The following C4orf51 variants were observed in gnomAD, a reference collection of about 807,000 sequenced individuals.
C4orf51 encodes chromosome 4 open reading frame 51, also known as uncharacterized protein C4orf51.
Under a neutral mutation model 25.2 loss-of-function variants are expected in C4orf51, and 25 were observed. The observed-to-expected ratio is 0.99, with a 90% CI of 0.72 to 1.39. The LOEUF (loss-of-function observed/expected upper bound fraction) is 1.39. Ranked by LOEUF, C4orf51 falls within the 40% of genes most tolerant of loss-of-function variation. The pLI is 0.00. For missense variants in C4orf51, 252 were observed against 239.6 expected, an observed-to-expected ratio of 1.05 and a Z score of -0.34; for synonymous variants, 100 against 84.5, an observed-to-expected ratio of 1.18 and a Z score of -1.01.
At chr4:145,750,839 TTTTTA>T (rs1733635439) in intron 1 of C4orf51, among the ~76,000 whole-genome samples, 3 of 152,292 alleles carry the variant, frequency 2.0e-5, no homozygotes, top group East Asian at 1.9e-4. Flanking sequence ...TTTTAATTCT[TTTTTA>T]TTTTATCTCC....
At chr4:145,771,854 A>AT (rs1025612826), downstream of C4orf51, among the ~76,000 whole-genome samples, 26 of 152,236 alleles carry the variant, frequency 1.7e-4, no homozygotes, top group African/African-American at 6.0e-4. Context: ...CTGAAATAAT[A>AT]GGGGCCTTTT....
intron 2 of C4orf51, among the ~76,000 whole-genome samples, chr4:145,721,839 T>C (rs1731756887): frequency 6.6e-6 from 1 of 152,232 alleles, no homozygotes; most frequent in Non-Finnish European, 1.5e-5. Context: ...TAGACTTATA[T>C]GAACAAACCA....
intron 1 of C4orf51, among the ~76,000 whole-genome samples, chr4:145,685,271 G>A (rs966837743): frequency 1.3e-5 from 2 of 152,162 alleles, no homozygotes; most frequent in African/African-American, 4.8e-5. Flanking sequence ...TCACACTGCT[G>A]TAAAGACCAT....
intron 1 of C4orf51, among the ~76,000 whole-genome samples, chr4:145,688,891 C>G (rs1463240110): frequency 6.6e-6 from 1 of 150,440 alleles, no homozygotes; most frequent in African/African-American, 2.5e-5. Flanking sequence ...AATAAATAAA[C>G]AAACAAACAA....
At chr4:145,783,065 C>T in the C4orf51 span, among the ~76,000 whole-genome samples, 32 of 142,734 alleles carry the variant, frequency 2.2e-4, no homozygotes, top group Non-Finnish European at 4.3e-4. Flanking sequence ...TACATATCTT[C>T]TATAAGCCAT....
intron 2 of C4orf51, among the ~76,000 whole-genome samples, chr4:145,711,431 G>T (rs1731121727): frequency 6.6e-6 from 1 of 152,054 alleles, no homozygotes; most frequent in African/African-American, 2.4e-5. Context: ...TCATGTACCT[G>T]GCTGTCCGTA....
At chr4:145,734,152 C>T (rs955492785), downstream of C4orf51, among the ~76,000 whole-genome samples, 1 of 152,214 alleles carries the variant, frequency 6.6e-6, no homozygotes, top group African/African-American at 2.4e-5. Flanking sequence ...CACCTTCTCG[C>T]CTGTCTGTCC....
At chr4:145,732,410 T>C in intron 5 of C4orf51, 43 bp from the exon 6 acceptor site, 1 of 1,279,786 alleles carries the variant, frequency 7.8e-7, no homozygotes, top group Non-Finnish European at 1.1e-6. Flanking sequence ...AAAGTGACCT[T>C]TGCGGATGAG....
Position 145,709,509 on chromosome 4 carries a change from C to T in C4orf51, c.307+12877C>T, listed in dbSNP as rs148760244. ...GAAGCCCATGTCTTTGTTGCCATGC[C>T]AATGCAGCAAGAGCTGCAGGAACAT... On this transcript the variant is annotated intron_variant, in intron 2 of 5. Transcript: ENST00000438731. Among the ~76,000 whole-genome samples the T allele has an allele frequency of 8.5e-5, 13 of 152,284 alleles. No homozygotes were observed. The East Asian group carries it at 2.5e-3, about 29-fold the overall frequency.
intron 2 of C4orf51, among the ~76,000 whole-genome samples, chr4:145,712,185 G>A (rs1264229056): frequency 6.6e-6 from 1 of 152,004 alleles, no homozygotes; most frequent in Admixed American, 6.6e-5. Context: ...ATTGAAATTA[G>A]GCCAATTAAT....
chr4:145,790,232 A>G, the C4orf51 span, among the ~76,000 whole-genome samples: 6 of 152,284 alleles, frequency 3.9e-5, no homozygotes, highest in East Asian at 1.2e-3. Flanking sequence ...GAGGAAAAAC[A>G]TTATCATTGT....
chr4:145,734,709 A>G (rs1732708502), downstream of C4orf51, among the ~76,000 whole-genome samples: 1 of 152,228 alleles, frequency 6.6e-6, no homozygotes, highest in African/African-American at 2.4e-5. Context: ...CCAACGCCTG[A>G]GGAATGTGCT....
intron 2 of C4orf51, among the ~76,000 whole-genome samples, chr4:145,699,344 T>C (rs1289954942): frequency 7.2e-6 from 1 of 138,958 alleles, no homozygotes; most frequent in African/African-American, 2.8e-5. Context: ...CTCTTTGCTC[T>C]GTGAGAAAGA....
chr4:145,704,913 T>C (rs1228355082), intron 2 of C4orf51, among the ~76,000 whole-genome samples: 2 of 152,150 alleles, frequency 1.3e-5, no homozygotes, highest in East Asian at 1.9e-4. Flanking sequence ...CTTGAGAGAT[T>C]ACCTTGGAAG....
intron 1 of C4orf51, among the ~76,000 whole-genome samples, chr4:145,751,117 T>C (rs1016347920): frequency 1.3e-5 from 2 of 152,228 alleles, no homozygotes; most frequent in African/African-American, 2.4e-5. Flanking sequence ...AGGTCACTTA[T>C]CTCTGTTGCT....
At chr4:145,710,212 T>G (rs1362389806) in intron 2 of C4orf51, among the ~76,000 whole-genome samples, 2 of 152,108 alleles carry the variant, frequency 1.3e-5, no homozygotes, top group African/African-American at 4.8e-5. Context: ...AGAATTCAAC[T>G]CAGGGGTTTA....
At chr4:145,784,897 AT>A in the C4orf51 span, among the ~76,000 whole-genome samples, 4 of 152,280 alleles carry the variant, frequency 2.6e-5, no homozygotes, top group East Asian at 7.7e-4. Context: ...CTTATAAAGC[AT>A]TTTATTTCAT....
chr4:145,687,874 C>T (rs1249718127), intron 1 of C4orf51, among the ~76,000 whole-genome samples: 1 of 152,012 alleles, frequency 6.6e-6, no homozygotes, highest in Non-Finnish European at 1.5e-5. Context: ...AAAGAAAAAG[C>T]ACACATGATT....
At chr4:145,729,681 C>G (rs4835253) in intron 4 of C4orf51, among the ~76,000 whole-genome samples, 13,485 of 152,162 alleles carry the variant, frequency 0.089, 676 homozygotes, top group Middle Eastern at 0.12. Context: ...TTTTATCTCT[C>G]CTAACAATAC....
Sources: allele counts gnomAD v4.1 joint callset (sites outside exome capture counted in the v4.1 genomes callset), GRCh38; gene constraint gnomAD v4.1.1; transcripts MANE v1.5; gene names NCBI Gene and HGNC (gene_info 2026-07-23, HGNC 2026-07-21).